The following RALA variants were observed in gnomAD, a reference collection of about 807,000 sequenced individuals.
RALA encodes the protein ras-related protein Ral-A.
Under a neutral mutation model 24.0 loss-of-function variants are expected in RALA, and 5 were observed. That is an observed-to-expected ratio of 0.21 (90% CI 0.11 to 0.44). The LOEUF (loss-of-function observed/expected upper bound fraction) is 0.44. Among genes scored for constraint, RALA ranks in the 20% least tolerant of loss-of-function variants. The probability of loss-of-function intolerance (pLI) is 0.99; values close to 1 mark genes in which losing one functional copy is unlikely to be tolerated. For synonymous variants in RALA, 77 were observed against 83.8 expected (o/e 0.92, Z 0.44); for missense variants, 95 against 241.2 (o/e 0.39, Z 4.01).
intron 1 of RALA, among the ~76,000 whole-genome samples, chr7:39,676,292 G>A (rs1411505161): frequency 6.6e-6 from 1 of 152,112 alleles, no homozygotes; most frequent in African/African-American, 2.4e-5. Flanking sequence ...AGCCTTTAAT[G>A]CACCGTTCAG....
At chr7:39,639,244 A>C (rs1791738369) in intron 1 of RALA, among the ~76,000 whole-genome samples, 1 of 152,222 alleles carries the variant, frequency 6.6e-6, no homozygotes, top group Non-Finnish European at 1.5e-5. Flanking sequence ...AGCTTTACAT[A>C]CCTTTCAGAA....
At chr7:39,697,197 G>T (rs3779203) in intron 4 of RALA, among the ~76,000 whole-genome samples, 1 of 151,924 alleles carries the variant, frequency 6.6e-6, no homozygotes, top group African/African-American at 2.4e-5. Context: ...GCACTAAACC[G>T]TTCTTACCTC....
At chr7:39,661,041 A>G (rs1202063748) in intron 1 of RALA, among the ~76,000 whole-genome samples, 1 of 152,210 alleles carries the variant, frequency 6.6e-6, no homozygotes, top group Non-Finnish European at 1.5e-5. Context: ...CATGTCTTAC[A>G]TGGTGGCAGA....
intron 1 of RALA, among the ~76,000 whole-genome samples, chr7:39,650,912 A>G (rs1004614357): frequency 1.3e-5 from 2 of 152,140 alleles, no homozygotes; most frequent in Non-Finnish European, 2.9e-5. Flanking sequence ...GTTCCTTGCC[A>G]CATCAGCCTC....
chr7:39,633,583 G>T (rs1442534411), intron 1 of RALA, among the ~76,000 whole-genome samples: 1 of 152,166 alleles, frequency 6.6e-6, no homozygotes, highest in Non-Finnish European at 1.5e-5. Context: ...TGGGGTTATG[G>T]CGATTATAAT....
intron 1 of RALA, among the ~76,000 whole-genome samples, chr7:39,654,527 G>A (rs559646624): frequency 2.6e-5 from 4 of 152,176 alleles, no homozygotes; most frequent in Admixed American, 6.5e-5. Flanking sequence ...AACCTTCAAA[G>A]ACTGGAAGTT....
At position 39,643,537 on chromosome 7, in the gene RALA, A is replaced by G. The variant is rs74452228; in HGVS notation, c.-38+19712A>G. On this transcript the variant is annotated intron_variant, in intron 1 of 4. Coordinates refer to ENST00000005257, the MANE Select transcript of RALA (RefSeq NM_005402.4). ...GGAGTTCGAGACTAGCCTGGCCGAC[A>G]TGGCAAAATCCCCTCTCTACTAAAA... is the stretch of plus-strand genomic sequence containing the variant. Among the ~76,000 whole-genome samples the G allele has an allele frequency of 0.016, 2,423 of 152,220 alleles. 127 individuals carry two copies. In the East Asian group the frequency reaches 0.16, roughly 10 times the overall value.
chr7:39,649,477 C>T (rs944955225), intron 1 of RALA, among the ~76,000 whole-genome samples: 1 of 152,136 alleles, frequency 6.6e-6, no homozygotes, highest in African/African-American at 2.4e-5. Flanking sequence ...AGATCAGCAA[C>T]TTTATAAAAA....
chr7:39,697,478 C>G (rs907110889), intron 4 of RALA: 3 of 456,598 alleles, frequency 6.6e-6, no homozygotes, highest in Non-Finnish European at 1.3e-5. Context: ...TAGACCAGCT[C>G]CAGTATCTAG....
chr7:39,661,305 A>G (rs1012699780), intron 1 of RALA, among the ~76,000 whole-genome samples: 1 of 152,052 alleles, frequency 6.6e-6, no homozygotes, highest in South Asian at 2.1e-4. Flanking sequence ...ACATTTCAAA[A>G]CCAATCATGC....
chr7:39,682,352 T>G (rs11984119), intron 1 of RALA, among the ~76,000 whole-genome samples: 1,839 of 152,308 alleles, frequency 0.012, 33 homozygotes, highest in African/African-American at 0.042. Flanking sequence ...TGTCCTCTCT[T>G]GCATGGATTA....
intron 1 of RALA, among the ~76,000 whole-genome samples, chr7:39,685,098 T>C (rs769500579): frequency 1.5e-4 from 23 of 152,308 alleles, no homozygotes; most frequent in Non-Finnish European, 5.9e-5. Flanking sequence ...ACCTAATACA[T>C]ATTCAGGCAA....
Position 39,669,091 on chromosome 7 carries a change from C to T in RALA, c.-37-17540C>T, listed in dbSNP as rs144878388. ...ATCGCACCACTGCACTCCGGCCTAGCGACAGAGCAAGATTCTGTCTGAATA... is the reference window on the plus strand; with the variant it reads ...ATCGCACCACTGCACTCCGGCCTAGTGACAGAGCAAGATTCTGTCTGAATA... On this transcript the variant is annotated intron_variant, in intron 1 of 4. Transcript: ENST00000005257. Among the ~76,000 whole-genome samples the T allele has an allele frequency of 5.3e-4, 80 of 151,986 alleles. 1 individual carries two copies. The East Asian group carries it at 9.7e-3, about 18-fold the overall frequency.
At chr7:39,633,371 A>G (rs959388736) in intron 1 of RALA, among the ~76,000 whole-genome samples, 3 of 152,220 alleles carry the variant, frequency 2.0e-5, no homozygotes, top group Non-Finnish European at 4.4e-5. Flanking sequence ...CGTGTCTTAC[A>G]TGTCAGCAGA....
At chr7:39,624,634 C>T (rs1007986474) in intron 1 of RALA, among the ~76,000 whole-genome samples, 4 of 152,084 alleles carry the variant, frequency 2.6e-5, no homozygotes, top group African/African-American at 7.2e-5. Context: ...GTTAACTGGC[C>T]TGTGCTCGGA....
intron 1 of RALA, among the ~76,000 whole-genome samples, chr7:39,676,133 G>A (rs528282265): frequency 3.9e-5 from 6 of 152,118 alleles, no homozygotes; most frequent in Admixed American, 1.3e-4. Context: ...CCACCACCAC[G>A]CTGGGCTAAT....
chr7:39,699,131 T>A (rs1374285576), intron 4 of RALA, among the ~76,000 whole-genome samples: 3 of 112,900 alleles, frequency 2.7e-5, no homozygotes, highest in Non-Finnish European at 3.7e-5. Context: ...ATTTTTTTTT[T>A]TTTTTTTTTT....
chr7:39,641,348 A>G (rs1263036082), intron 1 of RALA, among the ~76,000 whole-genome samples: 1 of 152,230 alleles, frequency 6.6e-6, no homozygotes, highest in Non-Finnish European at 1.5e-5. Flanking sequence ...ATTGAAACAA[A>G]CATATATGAT....
chr7:39,665,685 A>G (rs1269374455), intron 1 of RALA, among the ~76,000 whole-genome samples: 3 of 149,966 alleles, frequency 2.0e-5, no homozygotes, highest in African/African-American at 7.4e-5. Flanking sequence ...GCTATTTTAT[A>G]CCACTGACCT....
Sources: gnomAD v4.1 joint callset for allele counts (sites outside exome capture counted in the v4.1 genomes callset) on GRCh38, gnomAD v4.1.1 for gene constraint, MANE v1.5 for transcripts, NCBI Gene and HGNC (gene_info 2026-07-23, HGNC 2026-07-21) for gene names.